MICU3: variants seen among roughly 807,000 people sequenced by gnomAD.
MICU3 encodes mitochondrial calcium uptake 3, also known as calcium uptake protein 3, mitochondrial.
A neutral mutation model predicts 66.5 loss-of-function variants in MICU3; 62 were observed. The observed-to-expected ratio is 0.93, with a 90% CI of 0.76 to 1.15. The LOEUF is 1.15. MICU3 is among the 50% of genes most tolerant of loss of function. The probability of loss-of-function intolerance (pLI) is 0.00; values close to 1 mark genes in which losing one functional copy is unlikely to be tolerated. For missense variants in MICU3, 779 were observed against 664.4 expected (o/e 1.17, Z -1.90); for synonymous variants, 308 against 240.7 (o/e 1.28, Z -2.59).
Position 17,099,116 on chromosome 8 carries a change from G to A in MICU3, c.984+563G>A, listed in dbSNP as rs138603720. Reference sequence around the variant, plus strand: ...TATGAATTTGTTACAGATCTGCATCGTACTGCTGCATCGGAGTGGGCTGCT... The same window carrying A: ...TATGAATTTGTTACAGATCTGCATCATACTGCTGCATCGGAGTGGGCTGCT... On this transcript the variant is annotated intron_variant, in intron 9 of 14. Transcript: ENST00000318063. 7.4e-3 allele frequency among the ~76,000 whole-genome samples: 1,129 copies of A among 151,712 alleles called. 12 individuals carry two copies. The highest frequency in any genetic ancestry group is 0.026 in the African/African-American group (1,068 of 41,454).
chr8:17,064,313 T>G (rs1745302892), intron 2 of MICU3, 76 bp downstream of exon 2: 3 of 1,165,068 alleles, frequency 2.6e-6, no homozygotes, highest in Non-Finnish European at 3.6e-6. Context: ...TGGAGCAGTA[T>G]AAGTTTTTTA....
chr8:17,125,773 C>T (rs1276645754), downstream of MICU3, among the ~76,000 whole-genome samples: 1 of 152,080 alleles, frequency 6.6e-6, no homozygotes, highest in Non-Finnish European at 1.5e-5. Flanking sequence ...TCGCTCACAC[C>T]TGTAATCCCA....
intron 8 of MICU3, among the ~76,000 whole-genome samples, chr8:17,094,869 A>G (rs1465601701): frequency 6.6e-6 from 1 of 151,812 alleles, no homozygotes; most frequent in Non-Finnish European, 1.5e-5. Context: ...TTAAAAAGAT[A>G]CTCATTCTTC....
chr8:17,053,299 A>T (rs919270491), intron 1 of MICU3, among the ~76,000 whole-genome samples: 1 of 152,208 alleles, frequency 6.6e-6, no homozygotes, highest in African/African-American at 2.4e-5. Flanking sequence ...CTAATTGTCA[A>T]GTAGTGAATC....
chr8:17,094,714 G>A (rs957196336), intron 8 of MICU3, among the ~76,000 whole-genome samples: 2 of 151,934 alleles, frequency 1.3e-5, no homozygotes, highest in African/African-American at 4.8e-5. Flanking sequence ...GTTCTTTCAA[G>A]TAAAAGTGGT....
At chr8:17,030,174 G>A (rs1811775461) in intron 1 of MICU3, among the ~76,000 whole-genome samples, 1 of 152,018 alleles carries the variant, frequency 6.6e-6, no homozygotes. Context: ...GCCTTCTAAG[G>A]ATATAAATTA....
At chr8:17,128,830 T>G in the MICU3 span, among the ~76,000 whole-genome samples, 1 of 152,092 alleles carries the variant, frequency 6.6e-6, no homozygotes, top group Non-Finnish European at 1.5e-5. Context: ...GGCTGAAATT[T>G]ATGGGACAGA....
At chr8:17,130,764 G>A in the MICU3 span, among the ~76,000 whole-genome samples, 1 of 151,936 alleles carries the variant, frequency 6.6e-6, no homozygotes, top group African/African-American at 2.4e-5. Flanking sequence ...CATAACGCAG[G>A]AAAGGAGGAA....
At position 17,027,465 on chromosome 8, in the gene MICU3, G is replaced by A; in HGVS notation, c.186G>A (p.Arg62=). The stretch of plus-strand genomic sequence containing the variant: ...CGGAGGCGGCATGGAGGCGGCGGCG[G>A]CGCTGGGGGGAGCTGAGCGTGGCGG... ...AVAEAAWRRR[R]RWGELSVAAA... is the part of the protein sequence containing the mutation. The change falls in exon 1 of 15, where the codon CGG becomes CGA. Residue 62 remains arginine (R), a synonymous_variant. Coordinates refer to ENST00000318063, the MANE Select transcript of MICU3 (RefSeq NM_181723.3). 1 of 1,293,842 alleles carries A rather than the reference G, an allele frequency of 7.7e-7. No homozygotes were observed. Among genetic ancestry groups the A allele is most frequent in the Non-Finnish European group, 9.7e-7 (1 of 1,025,816 alleles). 80.1% of individuals were successfully genotyped at this position (1,293,842 alleles called of 1,614,324 possible). A position where few individuals can be genotyped will look rare whatever the true frequency, so the allele number is the denominator to read the frequency against.
chr8:17,066,069 G>T (rs1033265683), intron 2 of MICU3, among the ~76,000 whole-genome samples: 1 of 145,974 alleles, frequency 6.9e-6, no homozygotes, highest in South Asian at 2.1e-4. Context: ...ATTAAGTAGA[G>T]TTCTTTTTTT....
intron 2 of MICU3, among the ~76,000 whole-genome samples, chr8:17,066,543 A>AGATTTTTTTT (rs1554518402): frequency 9.5e-6 from 1 of 104,914 alleles, no homozygotes; most frequent in Non-Finnish European, 1.8e-5. Context: ...ATATATATAG[A>AGATTTTTTTT]TTTTTTTTTT....
At chr8:17,057,322 A>T (rs1382998669) in intron 1 of MICU3, among the ~76,000 whole-genome samples, 1 of 152,132 alleles carries the variant, frequency 6.6e-6, no homozygotes, top group Non-Finnish European at 1.5e-5. Flanking sequence ...GGTTCTAAGG[A>T]TAGGGAGCAA....
downstream of MICU3, among the ~76,000 whole-genome samples, chr8:17,125,716 C>G (rs181183414): frequency 6.6e-6 from 1 of 152,140 alleles, no homozygotes; most frequent in East Asian, 1.9e-4. Context: ...AACTTCAATC[C>G]TCTCTTCTCC....
In MICU3 at chr8:17,116,510, C is replaced by T. The variant is rs754185107; in HGVS notation, c.1434C>T (p.Val478=). 4 of 1,567,742 alleles carry T rather than the reference C, an allele frequency of 2.6e-6. No homozygotes were observed. The highest frequency in any genetic ancestry group is 2.4e-5 in the South Asian group (2 of 82,690). ...LKFSPHLVNT[V]FKIFDVDKDD... is the part of the protein sequence containing the mutation. ...TTTCACCACATTTAGTGAACACTGT[C>T]TTCAAGATTTTTGATGTTGACAAAG... Residue 478 remains valine, a synonymous_variant, in exon 13 of 15, where the codon GTC becomes GTT. Transcript: ENST00000318063.
chr8:17,101,307 A>G (rs116265535), intron 9 of MICU3, among the ~76,000 whole-genome samples: 375 of 151,768 alleles, frequency 2.5e-3, no homozygotes, highest in African/African-American at 8.6e-3. Context: ...TAAAGTCTCT[A>G]TTTTTCTCTC....
chr8:17,080,101 A>G (rs1479222269), intron 4 of MICU3, among the ~76,000 whole-genome samples: 1 of 151,374 alleles, frequency 6.6e-6, no homozygotes, highest in African/African-American at 2.4e-5. Context: ...GTATTTTTTG[A>G]TCCTGCACGC....
At position 17,064,214 on chromosome 8, in the gene MICU3, C is replaced by T. The variant is rs1360906828; in HGVS notation, c.512C>T (p.Ala171Val). 4 of 1,611,598 alleles carry T rather than the reference C, an allele frequency of 2.5e-6. No individual in the cohort carries two copies. In the African/African-American group the frequency reaches 5.3e-5, roughly 22 times the overall value. The change falls in exon 2 of 15, where the codon GCT (alanine) becomes GTT (valine). Residue 171 changes from alanine to valine, a missense_variant. Ala to Val is a moderately conservative substitution (Grantham distance 64). Transcript: ENST00000318063. Reference protein sequence around the residue: ...LFMTPYDFILAVTTDEPKVAK... With the variant: ...LFMTPYDFILVVTTDEPKVAK... ...ATGACTCCGTATGATTTTATTTTGG[C>T]TGTTACAACAGATGAGCCCAAAGGT...
chr8:17,030,708 A>G (rs1189038000), intron 1 of MICU3, among the ~76,000 whole-genome samples: 1 of 152,198 alleles, frequency 6.6e-6, no homozygotes, highest in Non-Finnish European at 1.5e-5. Context: ...TGATATACTT[A>G]GGTATTGTTA....
Position 17,087,942 on chromosome 8 carries a change from G to A in MICU3, c.849+907G>A, listed in dbSNP as rs531396589. On this transcript the variant is annotated intron_variant, in intron 7 of 14. Coordinates refer to ENST00000318063, the MANE Select transcript of MICU3 (RefSeq NM_181723.3). ...TGCAAATTGATGGCCCTGTGCAGTAGTTTAATTGTCCTACATAGAATTCAG... is the reference window on the plus strand; with the variant it reads ...TGCAAATTGATGGCCCTGTGCAGTAATTTAATTGTCCTACATAGAATTCAG... Among the ~76,000 whole-genome samples the A allele has an allele frequency of 1.6e-4, 25 of 152,156 alleles. 1 individual carries two copies. Among genetic ancestry groups the A allele is most frequent in the African/African-American group, 6.0e-4 (25 of 41,552 alleles).
Sources: gnomAD v4.1 joint callset for allele counts (sites outside exome capture counted in the v4.1 genomes callset) on GRCh38, gnomAD v4.1.1 for gene constraint, MANE v1.5 for transcripts, NCBI Gene and HGNC (gene_info 2026-07-23, HGNC 2026-07-21) for gene names.